SEMA5B: variants seen among roughly 807,000 people sequenced by gnomAD.
SEMA5B encodes the protein semaphorin-5B.
Under a neutral mutation model 135.0 loss-of-function variants are expected in SEMA5B, and 66 were observed. The ratio of observed to expected loss-of-function variants is 0.49; its 90% CI spans 0.40 to 0.60. The LOEUF is 0.60. Ranked by LOEUF, SEMA5B falls within the 20% of genes least tolerant of loss-of-function variation. The pLI is 0.00. For synonymous variants in SEMA5B, 690 were observed against 639.5 expected (o/e 1.08, Z -1.19); for missense variants, 1,501 against 1,566.3 (o/e 0.96, Z 0.70).
chr3:122,922,417 C>T lies in SEMA5B; in HGVS notation c.1303G>A (p.Glu435Lys), dbSNP rs759464960. The change falls in exon 11 of 23, where the codon GAG becomes AAG. Residue 435 changes from glutamate to lysine, a missense_variant. Physicochemically the swap from Glu to Lys is moderately conservative, Grantham distance 56 (BLOSUM62 1). Around this residue, in one of 2 missense-constraint regions of SEMA5B, gnomAD observed 574 missense variants for 684.7 expected, o/e 0.84. Transcript: ENST00000357599. ...CGTLPETGPN[E>K]NLTERSLQDA... ...TGCAGGCTGCGCTCCGTCAGGTTCTCGTTGGGACCGGTCTCAGGCAGGGTG... is the reference window on the plus strand; with the variant it reads ...TGCAGGCTGCGCTCCGTCAGGTTCTTGTTGGGACCGGTCTCAGGCAGGGTG... 3.7e-6 allele frequency: 6 copies of T among 1,608,934 alleles called. No homozygotes were observed. The highest frequency in any genetic ancestry group is 4.2e-6 in the Non-Finnish European group (5 of 1,178,232).
In SEMA5B at chr3:122,961,260, G is replaced by C; in HGVS notation, c.4C>G (p.Pro2Ala). The C allele has an allele frequency of 6.2e-7, 1 of 1,614,058 alleles. No homozygotes were observed. Among genetic ancestry groups the C allele is most frequent in the Non-Finnish European group, 8.5e-7 (1 of 1,179,956 alleles). M[P>A]CGFSPSPVAH... The stretch of plus-strand genomic sequence containing the variant: ...ACAGGAGACGGACTGAAGCCACAGG[G>C]CATCCAAGAGACACAGGCCAGGCAC... The change falls in exon 2 of 23, where the codon CCC (proline) becomes GCC (alanine). Residue 2 changes from proline to alanine, a missense_variant. Coordinates refer to ENST00000357599, the MANE Select transcript of SEMA5B (RefSeq NM_001031702.4).
chr3:122,982,992 G>A (rs1202444764), intron 1 of SEMA5B, among the ~76,000 whole-genome samples: 1 of 152,186 alleles, frequency 6.6e-6, no homozygotes, highest in Non-Finnish European at 1.5e-5. Context: ...AGGAGGAAGA[G>A]CGTGCCTCTG....
At chr3:122,975,558 A>G (rs1941288561) in intron 1 of SEMA5B, among the ~76,000 whole-genome samples, 1 of 152,232 alleles carries the variant, frequency 6.6e-6, no homozygotes, top group South Asian at 2.1e-4. Flanking sequence ...AAAACCACAC[A>G]GGGCAGTTGT....
intron 15 of SEMA5B, 33 bp from the exon 16 acceptor site, chr3:122,913,714 G>C: frequency 6.2e-7 from 1 of 1,607,106 alleles, no homozygotes; most frequent in Non-Finnish European, 8.5e-7. Context: ...AATCCAGGGA[G>C]GGGGACCCCC....
intron 2 of SEMA5B, among the ~76,000 whole-genome samples, chr3:122,950,560 G>A (rs1405630586): frequency 1.3e-5 from 2 of 152,186 alleles, no homozygotes; most frequent in East Asian, 3.8e-4. Flanking sequence ...ATTTGACAGA[G>A]TAATTTTATG....
Position 122,968,446 on chromosome 3 carries a change from G to C in SEMA5B, c.-38-7145C>G, listed in dbSNP as rs114021655. On this transcript the variant is annotated intron_variant, in intron 1 of 22. Transcript: ENST00000357599. ...GAGTCAGAGAGGGACGGTCGCCTTGGGGGTGACCTAGTAGCGGGATAGGAT... is the reference window on the plus strand; with the variant it reads ...GAGTCAGAGAGGGACGGTCGCCTTGCGGGTGACCTAGTAGCGGGATAGGAT... Among the ~76,000 whole-genome samples the C allele has an allele frequency of 5.6e-3, 855 of 152,310 alleles. 13 individuals are homozygous for C. The highest frequency in any genetic ancestry group is 0.019 in the African/African-American group (799 of 41,564).
At chr3:122,960,094 T>C (rs1270742665) in intron 2 of SEMA5B, among the ~76,000 whole-genome samples, 1 of 152,226 alleles carries the variant, frequency 6.6e-6, no homozygotes, top group East Asian at 1.9e-4. Flanking sequence ...AAACTGCATT[T>C]GAAAACATGC....
chr3:122,915,947 C>T (rs1938055226), intron 12 of SEMA5B, 57 bp from the exon 13 acceptor site: 3 of 1,309,378 alleles, frequency 2.3e-6, no homozygotes, highest in Non-Finnish European at 3.3e-6. Flanking sequence ...TCACCTGCAT[C>T]TCAGGAACAC....
chr3:122,951,027 GGA>G (rs1940023855), intron 2 of SEMA5B, among the ~76,000 whole-genome samples: 1 of 152,120 alleles, frequency 6.6e-6, no homozygotes, highest in Non-Finnish European at 1.5e-5. Flanking sequence ...TTGACCTCCT[GGA>G]CTCAAGCGAT....
intron 10 of SEMA5B, 135 bp downstream of exon 10, chr3:122,923,482 C>A: frequency 1.0e-6 from 1 of 962,536 alleles, no homozygotes; most frequent in Non-Finnish European, 1.6e-6. Flanking sequence ...CCATTGTGGA[C>A]CCCAGAGATG....
chr3:123,008,138 A>G (rs1196694997), intron 1 of SEMA5B, among the ~76,000 whole-genome samples: 1 of 152,244 alleles, frequency 6.6e-6, no homozygotes, highest in Non-Finnish European at 1.5e-5. Flanking sequence ...GTCCTACAGG[A>G]CAATAACACC....
chr3:122,934,903 A>G (rs1939177925), intron 5 of SEMA5B, among the ~76,000 whole-genome samples: 1 of 149,604 alleles, frequency 6.7e-6, no homozygotes, highest in East Asian at 2.0e-4. Flanking sequence ...CCTATTTTTT[A>G]GAAATGTATA....
chr3:122,977,710 C>T (rs530071654), intron 1 of SEMA5B, among the ~76,000 whole-genome samples: 23 of 152,190 alleles, frequency 1.5e-4, no homozygotes, highest in Non-Finnish European at 2.5e-4. Flanking sequence ...AAATTAACCA[C>T]CACAGTCAGC....
intron 1 of SEMA5B, among the ~76,000 whole-genome samples, chr3:123,023,687 C>T (rs577633365): frequency 6.6e-6 from 1 of 152,322 alleles, no homozygotes; most frequent in East Asian, 1.9e-4. Flanking sequence ...TCCACATTAG[C>T]TGTCAGGTCC....
rs111473581 is a variant in SEMA5B, at chr3:123,025,527, T to A, written c.-39+1937A>T. ...CAGTGTTAGATGTCCACGGTGATGATTATGGTCGCTACTGTTGGCTTTGGA... is the reference window on the plus strand; with the variant it reads ...CAGTGTTAGATGTCCACGGTGATGAATATGGTCGCTACTGTTGGCTTTGGA... On this transcript the variant is annotated intron_variant, in intron 1 of 22. Coordinates refer to ENST00000357599, the MANE Select transcript of SEMA5B (RefSeq NM_001031702.4). Among the ~76,000 whole-genome samples the A allele has an allele frequency of 8.6e-3, 1,306 of 152,298 alleles. 16 individuals are homozygous for A. The highest frequency in any genetic ancestry group is 0.029 in the African/African-American group (1,202 of 41,564).
chr3:123,024,910 C>CCCA (rs1437246751), intron 1 of SEMA5B, among the ~76,000 whole-genome samples: 1 of 152,210 alleles, frequency 6.6e-6, no homozygotes, highest in African/African-American at 2.4e-5. Flanking sequence ...ACTCTAATTG[C>CCCA]CTGATCAACA....
chr3:122,929,995 T>C (rs569235260), intron 5 of SEMA5B, among the ~76,000 whole-genome samples: 78 of 152,328 alleles, frequency 5.1e-4, no homozygotes, highest in South Asian at 4.2e-4. Context: ...TATATATTTC[T>C]GGGTCACGTG....
intron 1 of SEMA5B, among the ~76,000 whole-genome samples, chr3:122,972,635 C>T (rs567719495): frequency 1.3e-5 from 2 of 152,222 alleles, no homozygotes; most frequent in African/African-American, 4.8e-5. Flanking sequence ...GAGACCCCCA[C>T]CTGAGTCGGT....
chr3:122,992,348 A>G (rs1366390127), intron 1 of SEMA5B, among the ~76,000 whole-genome samples: 1 of 152,226 alleles, frequency 6.6e-6, no homozygotes, highest in African/African-American at 2.4e-5. Flanking sequence ...GAGGAGGGAT[A>G]AGCCACATGG....
Sources: gnomAD v4.1 joint callset for allele counts (sites outside exome capture counted in the v4.1 genomes callset) on GRCh38, gnomAD v4.1.1 for gene constraint, gnomAD v4.1.1 regional missense constraint, MANE v1.5 for transcripts, NCBI Gene and HGNC (gene_info 2026-07-23, HGNC 2026-07-21) for gene names.